Variants in SHMT1 observed in about 807,000 individuals in gnomAD.
The protein encoded by SHMT1 is serine hydroxymethyltransferase, cytosolic.
Under a neutral mutation model 49.0 loss-of-function variants are expected in SHMT1, and 45 were observed. The observed-to-expected ratio is 0.92, with a 90% CI of 0.72 to 1.18. The LOEUF (loss-of-function observed/expected upper bound fraction) is 1.18. SHMT1 is among the 50% of genes most tolerant of loss of function. The probability of loss-of-function intolerance (pLI) is 0.00; values close to 1 mark genes in which losing one functional copy is unlikely to be tolerated. For missense variants in SHMT1, 541 were observed against 612.4 expected, an observed-to-expected ratio of 0.88 and a Z score of 1.23; for synonymous variants, 232 against 246.6, an observed-to-expected ratio of 0.94 and a Z score of 0.55.
chr17:18,343,350 T>TTTAC (rs1483256635), intron 5 of SHMT1, among the ~76,000 whole-genome samples: 1 of 152,122 alleles, frequency 6.6e-6, no homozygotes, highest in East Asian at 1.9e-4. Context: ...GGCTCACATC[T>TTTAC]GTAATCTCAG....
intron 7 of SHMT1, among the ~76,000 whole-genome samples, chr17:18,336,892 G>A (rs1983853781): frequency 6.6e-6 from 1 of 152,118 alleles, no homozygotes; most frequent in Non-Finnish European, 1.5e-5. Flanking sequence ...GTTGCAGTGA[G>A]CTTTGATTGC....
Position 18,350,748 on chromosome 17 carries a change from T to C in SHMT1, c.243-2308A>G, listed in dbSNP as rs181997835. Among the ~76,000 whole-genome samples, 785 of 152,136 alleles carry C rather than the reference T, an allele frequency of 5.2e-3. 9 individuals are homozygous for C. Among genetic ancestry groups the C allele is most frequent in the Non-Finnish European group, 8.9e-3 (605 of 67,994 alleles). On this transcript the variant is annotated intron_variant, in intron 3 of 11. Coordinates refer to ENST00000316694, the MANE Select transcript of SHMT1 (RefSeq NM_004169.5). ...TCAACACTGTTTTCTTTTTTTTTTT[T>C]CTGAGATGGAGTCTTGCTCTGTCTC...
intron 3 of SHMT1, 173 bp downstream of exon 3, chr17:18,353,499 G>C: frequency 1.3e-6 from 1 of 779,132 alleles, no homozygotes; most frequent in South Asian, 1.4e-5. Context: ...GAGCTCTTCA[G>C]TGTTATCACA....
At chr17:18,356,226 T>C (rs1281729554) in intron 1 of SHMT1, among the ~76,000 whole-genome samples, 2 of 151,770 alleles carry the variant, frequency 1.3e-5, no homozygotes, top group Non-Finnish European at 2.9e-5. Context: ...GTATTTTTAG[T>C]AGAGACGAGG....
chr17:18,354,069 G>C (rs1487207089), intron 2 of SHMT1, among the ~76,000 whole-genome samples: 1 of 152,122 alleles, frequency 6.6e-6, no homozygotes, highest in Admixed American at 6.6e-5. Context: ...GATCACCTGA[G>C]GTCAGGAGTT....
chr17:18,359,944 TAA>T (rs751992047), intron 1 of SHMT1, among the ~76,000 whole-genome samples: 7 of 128,162 alleles, frequency 5.5e-5, no homozygotes, highest in Admixed American at 8.3e-5. Flanking sequence ...GACTCTATCT[TAA>T]AAAAAAAAAA....
intron 5 of SHMT1, among the ~76,000 whole-genome samples, chr17:18,343,073 C>T (rs1253153592): frequency 1.3e-5 from 2 of 151,934 alleles, no homozygotes; most frequent in East Asian, 3.9e-4. Flanking sequence ...TACAAAGTTG[C>T]AGTTAGACAG....
chr17:18,330,087 C>T (rs748930778), intron 10 of SHMT1, among the ~76,000 whole-genome samples: 2 of 152,046 alleles, frequency 1.3e-5, no homozygotes, highest in Non-Finnish European at 2.9e-5. Context: ...GATCCACCCA[C>T]CTCGGCCTCC....
intron 5 of SHMT1, among the ~76,000 whole-genome samples, chr17:18,345,390 T>C (rs1369655754): frequency 1.3e-5 from 2 of 151,986 alleles, no homozygotes; most frequent in African/African-American, 2.4e-5. Flanking sequence ...CCTGAGTAGC[T>C]GGGATTACAG....
chr17:18,347,722 C>A, intron 4 of SHMT1, 66 bp from the exon 5 acceptor site: 1 of 1,585,598 alleles, frequency 6.3e-7, no homozygotes. Flanking sequence ...CATCCGGGAC[C>A]TTGGCCACTA....
rs1264392735 is a variant in SHMT1, at chr17:18,348,753, T to C, written c.243-313A>G. The C allele has an allele frequency of 1.1e-5, 6 of 527,080 alleles. No individual in the cohort carries two copies. The African/African-American group carries it at 1.2e-4, about 10-fold the overall frequency. 32.7% of individuals were successfully genotyped at this position (527,080 alleles called of 1,614,324 possible). A position where few individuals can be genotyped will look rare whatever the true frequency, so the allele number is the denominator to read the frequency against. ...ACTTTGAGGAGCCAAGGCAGGAGGA[T>C]TGCTTGAGCCCAGGAGTTCGAGACC... On this transcript the variant is annotated intron_variant, in intron 3 of 11. Transcript: ENST00000316694.
chr17:18,330,719 T>C (rs1385975833), intron 9 of SHMT1, 48 bp from the exon 10 acceptor site: 8 of 1,351,204 alleles, frequency 5.9e-6, no homozygotes, highest in Admixed American at 3.4e-5. Context: ...TTCTATGCCG[T>C]GAAGGAATCT....
At chr17:18,344,896 G>A (rs1470994851) in intron 5 of SHMT1, among the ~76,000 whole-genome samples, 2 of 152,218 alleles carry the variant, frequency 1.3e-5, no homozygotes, top group Non-Finnish European at 2.9e-5. Context: ...TCTTGCAGTG[G>A]AGTGGGGCAG....
intron 7 of SHMT1, among the ~76,000 whole-genome samples, chr17:18,337,834 G>A (rs1191181743): frequency 8.9e-6 from 1 of 112,600 alleles, no homozygotes; most frequent in Non-Finnish European, 2.0e-5. Flanking sequence ...TCGGCCTCCC[G>A]AGGTGCCGGG....
chr17:18,351,399 G>T (rs367660633), intron 3 of SHMT1, among the ~76,000 whole-genome samples: 28 of 151,582 alleles, frequency 1.8e-4, no homozygotes, highest in African/African-American at 6.8e-4. Flanking sequence ...ACCCAGCTCG[G>T]CCTCCTAAAG....
intron 1 of SHMT1, chr17:18,363,085 G>C (rs2151616848): frequency 6.6e-6 from 1 of 152,452 alleles, no homozygotes; most frequent in Middle Eastern, 3.4e-3. Context: ...AAAGTGTTCA[G>C]TGGAGAGCTA....
At chr17:18,350,984 C>CA (rs1386821668) in intron 3 of SHMT1, among the ~76,000 whole-genome samples, 1 of 152,096 alleles carries the variant, frequency 6.6e-6, no homozygotes, top group Non-Finnish European at 1.5e-5. Flanking sequence ...CCACCTGCCT[C>CA]AGCCTCCCGA....
intron 3 of SHMT1, among the ~76,000 whole-genome samples, chr17:18,350,564 G>A (rs950576818): frequency 1.4e-4 from 21 of 151,834 alleles, no homozygotes; most frequent in African/African-American, 5.1e-4. Flanking sequence ...TTGAGCCCAA[G>A]AGTTTGAGGC....
intron 1 of SHMT1, among the ~76,000 whole-genome samples, chr17:18,358,798 G>GA (rs2151609354): frequency 6.6e-6 from 1 of 152,308 alleles, no homozygotes; most frequent in Admixed American, 6.5e-5. Flanking sequence ...AGCTATTCAG[G>GA]AGGCTGAGGT....
Sources: gnomAD v4.1 joint callset for allele counts (sites outside exome capture counted in the v4.1 genomes callset) on GRCh38, gnomAD v4.1.1 for gene constraint, MANE v1.5 for transcripts, NCBI Gene and HGNC (gene_info 2026-07-23, HGNC 2026-07-21) for gene names.